Variants in ZNF573 observed in about 807,000 individuals in gnomAD.
ZNF573 encodes the protein zinc finger protein 573.
A neutral mutation model predicts 57.4 loss-of-function variants in ZNF573; 41 were observed. That is an observed-to-expected ratio of 0.71 (90% confidence interval 0.56 to 0.93). The LOEUF is 0.93. Among genes scored for constraint, ZNF573 ranks in the 40% least tolerant of loss-of-function variants. ZNF573 has a pLI of 0.00. For synonymous variants in ZNF573, 249 were observed against 261.0 expected, an observed-to-expected ratio of 0.95 and a Z score of 0.44; for missense variants, 730 against 794.8, an observed-to-expected ratio of 0.92 and a Z score of 0.98.
At chr19:37,746,733 G>A (rs976759004) in intron 4 of ZNF573, among the ~76,000 whole-genome samples, 4 of 152,066 alleles carry the variant, frequency 2.6e-5, no homozygotes, top group African/African-American at 7.2e-5. Flanking sequence ...ACAGACCCGC[G>A]CCTCCACGCC....
At chr19:37,747,580 T>C (rs1272506036) in intron 4 of ZNF573, among the ~76,000 whole-genome samples, 6 of 152,056 alleles carry the variant, frequency 3.9e-5, no homozygotes, top group Admixed American at 3.9e-4. Context: ...AAGGAAAAAA[T>C]AGTACATTTG....
At chr19:37,769,981 G>C (rs987229825) in intron 4 of ZNF573, 24 bp downstream of exon 4, 4 of 1,540,632 alleles carry the variant, frequency 2.6e-6, no homozygotes, top group African/African-American at 1.4e-5. Context: ...GGCCGGCCCT[G>C]ATGGTGTCCC....
intron 4 of ZNF573, among the ~76,000 whole-genome samples, chr19:37,754,523 A>G (rs2045468795): frequency 6.6e-6 from 1 of 150,990 alleles, no homozygotes; most frequent in South Asian, 2.1e-4. Flanking sequence ...CCACCTCAAA[A>G]AAAAAAAAAA....
chr19:37,773,226 T>G (rs1307874468), intron 2 of ZNF573, among the ~76,000 whole-genome samples: 1 of 152,190 alleles, frequency 6.6e-6, no homozygotes, highest in African/African-American at 2.4e-5. Context: ...TGAGATCTCA[T>G]CACATACTAA....
In ZNF573 at chr19:37,739,147, T is replaced by C. The variant is rs780638297; in HGVS notation, c.1343A>G (p.Lys448Arg). The change falls in exon 5 of 5, where the codon AAA (lysine) becomes AGA (arginine). Residue 448 changes from lysine to arginine, a missense_variant. Coordinates refer to ENST00000536220, the MANE Select transcript of ZNF573 (RefSeq NM_001172690.2). ...ATTTCTATACAAAGTAAAGGTTTTTTTACACTCCTTACATTCAAAGTGTTT... is the reference window on the plus strand; with the variant it reads ...ATTTCTATACAAAGTAAAGGTTTTTCTACACTCCTTACATTCAAAGTGTTT... ...GMKHFECKECKKTFTLYRNLT... is the reference protein window; with the variant it reads ...GMKHFECKECRKTFTLYRNLT... 9 of 1,612,920 alleles carry C rather than the reference T, an allele frequency of 5.6e-6. No individual in the cohort carries two copies. Among genetic ancestry groups the C allele is most frequent in the Non-Finnish European group, 6.8e-6 (8 of 1,179,694 alleles).
At position 37,772,568 on chromosome 19, in the gene ZNF573, A is replaced by C. The variant is rs367811084; in HGVS notation, c.70-872T>G. Among the ~76,000 whole-genome samples, 20 of 152,224 alleles carry C rather than the reference A, an allele frequency of 1.3e-4. 1 individual carries two copies. Among genetic ancestry groups the C allele is most frequent in the Admixed American group, 9.8e-4 (15 of 15,286 alleles). ...ATATATTTTTTATTGACTGTGCAAC[A>C]ATTTTATAATGAATATTTCAGACTT... is the stretch of plus-strand genomic sequence containing the variant. On this transcript the variant is annotated intron_variant, in intron 2 of 4. Transcript: ENST00000536220.
chr19:37,764,819 G>A (rs1295565789), intron 4 of ZNF573, among the ~76,000 whole-genome samples: 3 of 151,594 alleles, frequency 2.0e-5, no homozygotes, highest in South Asian at 2.1e-4. Flanking sequence ...TAGCCAGGAT[G>A]GTCTCGATCT....
intron 4 of ZNF573, among the ~76,000 whole-genome samples, chr19:37,763,574 A>C (rs1322284495): frequency 6.6e-6 from 1 of 151,974 alleles, no homozygotes; most frequent in African/African-American, 2.4e-5. Context: ...AAAAAACAAA[A>C]CAAAACAAAA....
At chr19:37,749,265 T>TA (rs1385412906) in intron 4 of ZNF573, among the ~76,000 whole-genome samples, 4 of 151,784 alleles carry the variant, frequency 2.6e-5, no homozygotes, top group Admixed American at 2.6e-4. Context: ...TAATTAACTG[T>TA]ATATATATTA....
chr19:37,743,319 C>CAAAAAAAAA (rs74174484), intron 4 of ZNF573, among the ~76,000 whole-genome samples: 1 of 99,988 alleles, frequency 1.0e-5, no homozygotes. Context: ...GAATCCATCT[C>CAAAAAAAAA]AAAAAAAAAA....
At chr19:37,773,529 T>G in intron 2 of ZNF573, 132 bp downstream of exon 2, 2 of 621,280 alleles carry the variant, frequency 3.2e-6, no homozygotes, top group Middle Eastern at 3.7e-4. Context: ...GCTATCACTA[T>G]TCACAATATT....
intron 4 of ZNF573, among the ~76,000 whole-genome samples, chr19:37,744,108 T>A (rs2045354264): frequency 6.6e-6 from 1 of 150,538 alleles, no homozygotes; most frequent in Non-Finnish European, 1.5e-5. Flanking sequence ...TGTATCCTGT[T>A]TTTTTTTTAG....
chr19:37,749,193 C>T (rs147262583), intron 4 of ZNF573, among the ~76,000 whole-genome samples: 331 of 151,606 alleles, frequency 2.2e-3, no homozygotes, highest in Middle Eastern at 0.021. Context: ...AAGAAAGGTG[C>T]ATATATACAG....
chr19:37,774,287 A>T (rs1044431100), intron 1 of ZNF573, among the ~76,000 whole-genome samples: 3 of 151,758 alleles, frequency 2.0e-5, no homozygotes, highest in African/African-American at 7.3e-5. Context: ...ACAGGTGCGT[A>T]CCACCACACC....
chr19:37,739,044 G>C lies in ZNF573; in HGVS notation c.1446C>G (p.Gly482=), dbSNP rs189598355. The C allele has an allele frequency of 1.2e-6, 2 of 1,611,862 alleles. No individual in the cohort carries two copies. The highest frequency in any genetic ancestry group is 2.7e-5 in the African/African-American group (2 of 74,508). Residue 482 remains glycine, a synonymous_variant, in exon 5 of 5, where the codon GGC becomes GGG. Coordinates refer to ENST00000536220, the MANE Select transcript of ZNF573 (RefSeq NM_001172690.2). ...CQECGKAYST[G]SNLIQHRKTH... Reference sequence around the variant, plus strand: ...TTTTCCGATGTTGAATAAGGTTTGAGCCAGTACTATAGGCCTTCCCACATT... The same window carrying C: ...TTTTCCGATGTTGAATAAGGTTTGACCCAGTACTATAGGCCTTCCCACATT...
intron 4 of ZNF573, among the ~76,000 whole-genome samples, chr19:37,761,122 G>A (rs574175269): frequency 1.3e-5 from 2 of 152,018 alleles, no homozygotes; most frequent in East Asian, 1.9e-4. Context: ...CCTGGGAGGC[G>A]GAGGTGGCAG....
chr19:37,754,988 G>T (rs559925014), intron 4 of ZNF573, among the ~76,000 whole-genome samples: 25 of 151,518 alleles, frequency 1.6e-4, no homozygotes, highest in Admixed American at 1.6e-3. Context: ...TATTTTTTTT[G>T]AGACAGAGTC....
chr19:37,774,869 C>T (rs553118970), intron 1 of ZNF573, among the ~76,000 whole-genome samples: 1 of 152,232 alleles, frequency 6.6e-6, no homozygotes, highest in Admixed American at 6.5e-5. Context: ...ATTTCATAAT[C>T]ATTTTAACAC....
chr19:37,759,586 G>T (rs1403979585), intron 4 of ZNF573, among the ~76,000 whole-genome samples: 2 of 152,020 alleles, frequency 1.3e-5, no homozygotes, highest in Non-Finnish European at 2.9e-5. Context: ...AAATTAGCCA[G>T]GCGTGATGGT....
Sources: gnomAD v4.1 joint callset for allele counts (sites outside exome capture counted in the v4.1 genomes callset) on GRCh38, gnomAD v4.1.1 for gene constraint, MANE v1.5 for transcripts, NCBI Gene and HGNC (gene_info 2026-07-23, HGNC 2026-07-21) for gene names.